The following CENPE variants were observed in gnomAD, a reference collection of about 807,000 sequenced individuals.
The protein encoded by CENPE is centromere protein E.
CENPE carries 145 observed loss-of-function variants against 336.1 expected under a neutral mutation model. The observed-to-expected ratio is 0.43, with a 90% CI of 0.38 to 0.50. The LOEUF is 0.50. Ranked by LOEUF, CENPE falls within the 20% of genes least tolerant of loss-of-function variation. The pLI, the probability that CENPE is intolerant of heterozygous loss-of-function variation, is 0.00. For synonymous variants in CENPE, 1,013 were observed against 984.8 expected (o/e 1.03, Z -0.54); for missense variants, 2,719 against 3,023.3 (o/e 0.90, Z 2.36).
At chr4:103,129,233 A>T (rs113542789) in intron 42 of CENPE, among the ~76,000 whole-genome samples, 13 of 152,310 alleles carry the variant, frequency 8.5e-5, no homozygotes, top group African/African-American at 3.1e-4. Context: ...AAACTTTCCA[A>T]AACAGAAAGC....
intron 45 of CENPE, 124 bp downstream of exon 45, chr4:103,116,451 TAA>T (rs1163095270): frequency 3.9e-6 from 2 of 518,154 alleles, no homozygotes; most frequent in Non-Finnish European, 6.7e-6. Flanking sequence ...TGTACATTTT[TAA>T]AAAAAGAGCT....
At chr4:103,176,585 CAG>C (rs1235480573) in intron 14 of CENPE, among the ~76,000 whole-genome samples, 2 of 152,074 alleles carry the variant, frequency 1.3e-5, no homozygotes, top group African/African-American at 2.4e-5. Context: ...TTGTTTGAGA[CAG>C]AGTTTCACTC....
intron 24 of CENPE, among the ~76,000 whole-genome samples, chr4:103,153,818 C>T (rs1333265686): frequency 1.3e-5 from 2 of 152,072 alleles, no homozygotes; most frequent in Non-Finnish European, 2.9e-5. Context: ...CCACTCCCTG[C>T]AAATCTTTAT....
In CENPE at chr4:103,153,086, C is replaced by T. The variant is rs745573206; in HGVS notation, c.3198G>A (p.Lys1066=). Reference sequence around the variant, plus strand: ...CCTTTAGGTCAGTCTTCAATTGTTCCTTTTCTGCTATAACACTCTCTAACA... The same window carrying T: ...CCTTTAGGTCAGTCTTCAATTGTTCTTTTTCTGCTATAACACTCTCTAACA... ...QQMLESVIAE[K]EQLKTDLKEN... is the part of the protein sequence containing the mutation. The change falls in exon 25 of 49, where the codon AAG becomes AAA. Residue 1066 remains lysine (K), a synonymous_variant. Coordinates refer to ENST00000265148, the MANE Select transcript of CENPE (RefSeq NM_001813.3). 2.9e-5 allele frequency: 46 copies of T among 1,612,824 alleles called. No individual in the cohort carries two copies. The highest frequency in any genetic ancestry group is 1.0e-4 in the Admixed American group (6 of 59,850).
At chr4:103,159,748 T>A (rs1197407653) in intron 21 of CENPE, among the ~76,000 whole-genome samples, 2 of 151,896 alleles carry the variant, frequency 1.3e-5, no homozygotes, top group Non-Finnish European at 2.9e-5. Context: ...GTTTAATCAT[T>A]TAAAATTGTT....
At chr4:103,164,729 CA>C (rs1754763252) in intron 16 of CENPE, among the ~76,000 whole-genome samples, 1 of 152,000 alleles carries the variant, frequency 6.6e-6, no homozygotes. Context: ...TATACTATGT[CA>C]ATTCAGTCTG....
intron 2 of CENPE, 134 bp downstream of exon 2, chr4:103,196,623 ATT>A (rs1578707576): frequency 1.6e-6 from 1 of 609,508 alleles, no homozygotes; most frequent in East Asian, 2.8e-5. Context: ...TGGATAAACA[ATT>A]TTGTTTCCAG....
At chr4:103,189,614 A>G (rs963049804) in intron 8 of CENPE, among the ~76,000 whole-genome samples, 25 of 152,222 alleles carry the variant, frequency 1.6e-4, no homozygotes, top group Non-Finnish European at 3.4e-4. Flanking sequence ...AAAACTCTCA[A>G]TAAGTTAGGT....
intron 42 of CENPE, among the ~76,000 whole-genome samples, chr4:103,126,999 G>C (rs921570036): frequency 6.6e-6 from 1 of 150,630 alleles, no homozygotes; most frequent in Non-Finnish European, 1.5e-5. Context: ...AGAAAGAGCA[G>C]GAATATTTGA....
intron 29 of CENPE, 40 bp from the exon 30 acceptor site, chr4:103,146,147 A>T (rs1432181813): frequency 6.4e-7 from 1 of 1,567,890 alleles, no homozygotes; most frequent in Admixed American, 1.9e-5. Flanking sequence ...ATATCCAGAG[A>T]TATTGTGTTT....
At position 103,139,910 on chromosome 4, in the gene CENPE, T is replaced by C; in HGVS notation, c.6083A>G (p.His2028Arg). Residue 2028 changes from histidine to arginine, a missense_variant, in exon 38 of 49, where the codon CAT (histidine) becomes CGT (arginine). Physicochemically the swap from His to Arg is conservative, Grantham distance 29. Transcript: ENST00000265148. ...AATTCTTATTTCTTCAAGGCTTTCATGAAGTTTCTTAGTCAACTGGAAGTT... is the reference window on the plus strand; with the variant it reads ...AATTCTTATTTCTTCAAGGCTTTCACGAAGTTTCTTAGTCAACTGGAAGTT... ...MDNFQLTKKLHESLEEIRIVA... is the reference protein window; with the variant it reads ...MDNFQLTKKLRESLEEIRIVA... 1 of 1,613,492 alleles carries C rather than the reference T, an allele frequency of 6.2e-7. No homozygotes were observed. Among genetic ancestry groups the C allele is most frequent in the East Asian group, 2.2e-5 (1 of 44,756 alleles).
rs767774818 is a variant in CENPE at position 103,145,184 on chromosome 4, T to C, written c.4723A>G (p.Thr1575Ala). The C allele has an allele frequency of 2.5e-6, 4 of 1,613,540 alleles. No individual in the cohort carries two copies. The highest frequency in any genetic ancestry group is 1.3e-5 in the African/African-American group (1 of 74,904). The part of the protein sequence containing the change: ...QSIESKMLEL[T>A]NRLQESQEEI... Reference sequence around the variant, plus strand: ...TCTTGACTTTCTTGAAGTCTGTTGGTCAACTCGAGCATCTTACTTTCTATA... The same window carrying C: ...TCTTGACTTTCTTGAAGTCTGTTGGCCAACTCGAGCATCTTACTTTCTATA... The change falls in exon 32 of 49, where the codon ACC becomes GCC. Residue 1575 changes from threonine (T) to alanine (A), a missense_variant. Around this residue, in one of 5 missense-constraint regions of CENPE, gnomAD observed 2,437 missense variants for 2,513.3 expected, o/e 0.97. Coordinates refer to ENST00000265148, the MANE Select transcript of CENPE (RefSeq NM_001813.3).
At chr4:103,132,343 T>A (rs562358496) in intron 42 of CENPE, among the ~76,000 whole-genome samples, 1 of 152,318 alleles carries the variant, frequency 6.6e-6, no homozygotes, top group South Asian at 2.1e-4. Context: ...CCACAGTTGC[T>A]GCCCATAGCT....
At chr4:103,130,794 A>T (rs1751516580) in intron 42 of CENPE, among the ~76,000 whole-genome samples, 4 of 152,120 alleles carry the variant, frequency 2.6e-5, no homozygotes. Flanking sequence ...TAAATGAAAG[A>T]ACAAATAGAT....
At position 103,195,824 on chromosome 4, in the gene CENPE, C is replaced by T. The variant is rs904187255; in HGVS notation, c.357+96G>A. 1.1e-5 allele frequency: 9 copies of T among 782,890 alleles called. No homozygotes were observed. In the African/African-American group the frequency reaches 1.4e-4, roughly 12 times the overall value. 48.5% of individuals were successfully genotyped at this position (782,890 alleles called of 1,614,324 possible). ...TAATCAAACAATAACTGTAAATCTA[C>T]TTCCTTTCATCTTTACAAGAGAAAT... On this transcript the variant is annotated intron_variant, in intron 4 of 48. Transcript: ENST00000265148.
intron 42 of CENPE, among the ~76,000 whole-genome samples, chr4:103,126,549 T>C (rs1249077265): frequency 1.3e-5 from 2 of 151,856 alleles, no homozygotes; most frequent in African/African-American, 4.8e-5. Flanking sequence ...CAAGACATAC[T>C]AGAGGGCAAA....
At chr4:103,190,476 A>G (rs1052699290) in intron 8 of CENPE, among the ~76,000 whole-genome samples, 4 of 152,236 alleles carry the variant, frequency 2.6e-5, no homozygotes, top group African/African-American at 9.6e-5. Flanking sequence ...CAGAGCCCTC[A>G]GAAATAATGC....
chr4:103,186,439 C>A (rs759011077), intron 8 of CENPE, among the ~76,000 whole-genome samples: 1 of 152,196 alleles, frequency 6.6e-6, no homozygotes, highest in African/African-American at 2.4e-5. Flanking sequence ...CTTATAGATA[C>A]GACTTACATT....
At chr4:103,168,567 C>A (rs1284173772) in intron 16 of CENPE, among the ~76,000 whole-genome samples, 1 of 152,208 alleles carries the variant, frequency 6.6e-6, no homozygotes, top group Non-Finnish European at 1.5e-5. Flanking sequence ...TCTGAATTAA[C>A]TCTGAAGCTT....
Sources: allele counts gnomAD v4.1 joint callset (sites outside exome capture counted in the v4.1 genomes callset), GRCh38; gene constraint gnomAD v4.1.1; regional missense constraint gnomAD v4.1.1; transcripts MANE v1.5; gene names NCBI Gene and HGNC (gene_info 2026-07-23, HGNC 2026-07-21).